KDM4C: variants seen among roughly 807,000 people sequenced by gnomAD.
KDM4C encodes lysine-specific demethylase 4C.
In KDM4C, 81 loss-of-function variants were observed where a neutral mutation model predicts 129.3. The ratio of observed to expected loss-of-function variants is 0.63; its 90% confidence interval spans 0.52 to 0.75. The LOEUF (loss-of-function observed/expected upper bound fraction) is 0.75. Ranked by LOEUF, KDM4C falls within the 30% of genes least tolerant of loss-of-function variation. The pLI is 0.00. For synonymous variants in KDM4C, 573 were observed against 456.1 expected, an observed-to-expected ratio of 1.26 and a Z score of -3.26; for missense variants, 1,457 against 1,304.0, an observed-to-expected ratio of 1.12 and a Z score of -1.81.
intron 8 of KDM4C, among the ~76,000 whole-genome samples, chr9:6,960,899 C>G (rs1563890381): frequency 6.6e-6 from 1 of 152,108 alleles, no homozygotes; most frequent in Non-Finnish European, 1.5e-5. Context: ...CTAGTGAGCA[C>G]TACAGTCTAG....
rs148688406 is a variant in KDM4C at position 6,744,398 on chromosome 9, G to A, written c.49+23401G>A. Among the ~76,000 whole-genome samples the A allele has an allele frequency of 6.7e-3, 1,019 of 152,080 alleles. 8 individuals are homozygous for A. Among genetic ancestry groups the A allele is most frequent in the Non-Finnish European group, 8.8e-3 (600 of 67,976 alleles). On this transcript the variant is annotated intron_variant, in intron 1 of 17. Transcript: ENST00000536108. ...GAATTAGCTGGGCATGGTGGCGTGC[G>A]CCTGTAATCCCAGCTACTCAAGAGG...
intron 9 of KDM4C, chr9:6,981,840 A>C (rs1268044147): frequency 3.6e-6 from 1 of 278,770 alleles, no homozygotes; most frequent in Admixed American, 3.5e-5. Context: ...TTTTTCTTTC[A>C]GATTATAAAA....
upstream of KDM4C, among the ~76,000 whole-genome samples, chr9:6,756,963 G>C (rs1232419159): frequency 6.6e-6 from 1 of 152,144 alleles, no homozygotes; most frequent in South Asian, 2.1e-4. Flanking sequence ...CTGGTGTGAA[G>C]ATATGCCCAA....
At chr9:6,813,954 T>A (rs1366685428) in intron 3 of KDM4C, among the ~76,000 whole-genome samples, 2 of 152,184 alleles carry the variant, frequency 1.3e-5, no homozygotes. Context: ...TATAAACTTG[T>A]ATTTTCAATT....
At chr9:6,892,902 G>T (rs1846304520) in intron 7 of KDM4C, among the ~76,000 whole-genome samples, 193 bp from the exon 8 acceptor site, 1 of 152,076 alleles carries the variant, frequency 6.6e-6, no homozygotes, top group African/African-American at 2.4e-5. Flanking sequence ...ATCCTATTTA[G>T]GAAAGTCTTT....
chr9:6,924,634 A>T, intron 8 of KDM4C: 2 of 445,706 alleles, frequency 4.5e-6, no homozygotes, highest in Non-Finnish European at 5.9e-6. Flanking sequence ...TCCCTTAATT[A>T]GATCTTCTCT....
chr9:7,156,692 G>A (rs1843205518), intron 19 of KDM4C, among the ~76,000 whole-genome samples: 4 of 152,158 alleles, frequency 2.6e-5, no homozygotes, highest in Admixed American at 2.6e-4. Flanking sequence ...TGAGGCCTGT[G>A]TTCTGTTCCA....
chr9:6,847,655 G>C (rs971676788), intron 4 of KDM4C, among the ~76,000 whole-genome samples: 20 of 152,206 alleles, frequency 1.3e-4, no homozygotes, highest in African/African-American at 4.3e-4. Context: ...CTCCCAAAGT[G>C]CTGGGATTAC....
intron 8 of KDM4C, among the ~76,000 whole-genome samples, chr9:6,922,899 CTGTGCGTTAGCTACAGAAATGGA>C (rs1487114127): frequency 1.3e-5 from 2 of 152,250 alleles, no homozygotes; most frequent in African/African-American, 2.4e-5. Flanking sequence ...GCCACTTAAA[CTGTGCGTTAGCTACAGAAATGGA>C]TGCACATTAG....
chr9:7,098,331 T>G (rs1247331160), intron 17 of KDM4C, among the ~76,000 whole-genome samples: 4 of 152,218 alleles, frequency 2.6e-5, no homozygotes, highest in African/African-American at 9.6e-5. Context: ...CTTTCTCACC[T>G]TTTGCAGGGT....
At chr9:7,123,172 ATTTTTCTAAC>A (rs1839684214) in intron 18 of KDM4C, among the ~76,000 whole-genome samples, 1 of 152,116 alleles carries the variant, frequency 6.6e-6, no homozygotes, top group Non-Finnish European at 1.5e-5. Context: ...TATACTGGCC[ATTTTTCTAAC>A]CAGCCAATCT....
chr9:6,795,333 G>T (rs1023784560), intron 2 of KDM4C, among the ~76,000 whole-genome samples: 3 of 151,962 alleles, frequency 2.0e-5, no homozygotes, highest in African/African-American at 4.8e-5. Context: ...TATATTTTTT[G>T]TTGTTGTTTC....
intron 17 of KDM4C, among the ~76,000 whole-genome samples, chr9:7,074,904 A>G (rs556142343): frequency 6.6e-6 from 1 of 152,312 alleles, no homozygotes; most frequent in African/African-American, 2.4e-5. Flanking sequence ...TGAATACATC[A>G]TGAATTTAGG....
At chr9:7,081,204 A>G (rs1436526701) in intron 17 of KDM4C, among the ~76,000 whole-genome samples, 1 of 152,184 alleles carries the variant, frequency 6.6e-6, no homozygotes, top group Non-Finnish European at 1.5e-5. Flanking sequence ...TTATTGTTCC[A>G]TCTTCTTCCC....
intron 15 of KDM4C, among the ~76,000 whole-genome samples, chr9:7,044,260 G>T (rs974543245): frequency 6.6e-6 from 1 of 151,860 alleles, no homozygotes; most frequent in Admixed American, 6.6e-5. Flanking sequence ...GATGAATGGC[G>T]CAGGCTGGCT....
intron 1 of KDM4C, among the ~76,000 whole-genome samples, chr9:6,760,445 G>GTGTATATATATATATA (rs139577101): frequency 7.0e-6 from 1 of 142,524 alleles, no homozygotes; most frequent in African/African-American, 2.6e-5. Context: ...CTACTCTTGG[G>GTGTATATATATATATA]TATATATATA....
At chr9:7,141,399 A>C (rs939133146) in intron 19 of KDM4C, among the ~76,000 whole-genome samples, 1 of 152,218 alleles carries the variant, frequency 6.6e-6, no homozygotes, top group Non-Finnish European at 1.5e-5. Context: ...TGGGTTGGAC[A>C]AGCTTGCCTG....
chr9:6,834,900 C>G (rs1203625791), intron 4 of KDM4C: 13 of 1,248,950 alleles, frequency 1.0e-5, no homozygotes, highest in East Asian at 2.3e-5. Context: ...GGCTGTACCA[C>G]TGGTACCGTG....
chr9:7,156,252 AG>A (rs1843159827), intron 19 of KDM4C, among the ~76,000 whole-genome samples: 1 of 152,236 alleles, frequency 6.6e-6, no homozygotes, highest in Non-Finnish European at 1.5e-5. Context: ...TCTGGATATC[AG>A]CCCTTTGTCA....
Sources: gnomAD v4.1 joint callset for allele counts (sites outside exome capture counted in the v4.1 genomes callset) on GRCh38, gnomAD v4.1.1 for gene constraint, MANE v1.5 for transcripts, NCBI Gene and HGNC (gene_info 2026-07-23, HGNC 2026-07-21) for gene names.